The following VDR variants were observed in gnomAD, a reference collection of about 807,000 sequenced individuals.
The protein encoded by VDR is vitamin D3 receptor.
In VDR, 19 loss-of-function variants were observed where a neutral mutation model predicts 39.7. The ratio of observed to expected loss-of-function variants is 0.48; its 90% CI spans 0.33 to 0.70. VDR has a LOEUF of 0.70. Among genes scored for constraint, VDR ranks in the 30% least tolerant of loss-of-function variants. VDR has a pLI of 0.02. For missense variants in VDR, 442 were observed against 570.5 expected (o/e 0.77, Z 2.29); for synonymous variants, 242 against 215.8 (o/e 1.12, Z -1.07).
chr12:47,850,014 C>A (rs1456465591), intron 7 of VDR, among the ~76,000 whole-genome samples: 2 of 152,064 alleles, frequency 1.3e-5, no homozygotes, highest in African/African-American at 4.8e-5. Context: ...CCACACCTGG[C>A]TAATTTTTCT....
chr12:47,872,761 C>G (rs61919100), intron 3 of VDR, among the ~76,000 whole-genome samples: 25,146 of 152,120 alleles, frequency 0.17, 2,660 homozygotes, highest in East Asian at 0.44. Context: ...TTATACTTTC[C>G]AAGTTCCATG....
At chr12:47,880,397 A>G (rs1946121829) in intron 2 of VDR, among the ~76,000 whole-genome samples, 1 of 152,156 alleles carries the variant, frequency 6.6e-6, no homozygotes, top group Admixed American at 6.5e-5. Flanking sequence ...TTTCACCTTC[A>G]TACCACTTCA....
chr12:47,859,933 T>C (rs1945590074), intron 4 of VDR, among the ~76,000 whole-genome samples: 1 of 108,232 alleles, frequency 9.2e-6, no homozygotes, highest in African/African-American at 3.8e-5. Context: ...TTTTCTTTCT[T>C]TCTTTCTTTC....
At chr12:47,882,624 C>CGCCCGGG in intron 2 of VDR, 70 bp downstream of exon 2, 1 of 422,402 alleles carries the variant, frequency 2.4e-6, no homozygotes, top group East Asian at 6.8e-5. Context: ...CCTTCTTATG[C>CGCCCGGG]CCCTCCCCCC....
intron 2 of VDR, among the ~76,000 whole-genome samples, chr12:47,881,392 G>A (rs1199413938): frequency 6.6e-6 from 1 of 152,060 alleles, no homozygotes; most frequent in Non-Finnish European, 1.5e-5. Context: ...TACTATGCTC[G>A]CTACCTGGGA....
chr12:47,885,999 C>A (rs761204741), intron 1 of VDR, among the ~76,000 whole-genome samples: 25 of 152,190 alleles, frequency 1.6e-4, no homozygotes, highest in Non-Finnish European at 3.1e-4. Flanking sequence ...GGCCCCTAAT[C>A]GACCCCAGGA....
At chr12:47,848,206 T>G (rs1458139116) in intron 7 of VDR, among the ~76,000 whole-genome samples, 1 of 152,100 alleles carries the variant, frequency 6.6e-6, no homozygotes, top group African/African-American at 2.4e-5. Flanking sequence ...TTTTTAAATT[T>G]TTTTTGTAGG....
intron 4 of VDR, among the ~76,000 whole-genome samples, chr12:47,863,209 G>A (rs1945660421): frequency 6.6e-6 from 1 of 152,198 alleles, no homozygotes; most frequent in Non-Finnish European, 1.5e-5. Flanking sequence ...GGTAGGAGGG[G>A]ACATGAAGTC....
intron 1 of VDR, among the ~76,000 whole-genome samples, chr12:47,888,440 G>T (rs1191257147): frequency 2.0e-5 from 3 of 152,174 alleles, no homozygotes; most frequent in African/African-American, 7.2e-5. Flanking sequence ...TCAGAGTGGG[G>T]AGCCCATGAG....
At position 47,857,564 on chromosome 12, in the gene VDR, T is replaced by C. The variant is rs1945516326; in HGVS notation, c.402A>G (p.Ile134Met). The stretch of plus-strand genomic sequence containing the variant: ...AGGTCTTATGGTGGGCGTCCAGCAG[T>C]ATGGCAATGATGCGCTGCTGCTCCT... ...LSEEQQRIIAILLDAHHKTYD... is the reference protein window; with the variant it reads ...LSEEQQRIIAMLLDAHHKTYD... The change falls in exon 5 of 10, where the codon ATA (isoleucine) becomes ATG (methionine). Residue 134 changes from isoleucine (I) to methionine (M), a missense_variant. This residue lies in a region of VDR where 46 missense variants were observed against 82.0 expected (regional missense o/e 0.56). Transcript: ENST00000549336. 6.2e-7 allele frequency: 1 copy of C among 1,614,066 alleles called. No homozygotes were observed. The highest frequency in any genetic ancestry group is 1.3e-5 in the African/African-American group (1 of 74,914).
chr12:47,842,930 A>G lies in VDR; in HGVS notation c.*1816T>C, dbSNP rs1288025922. 1 of 152,106 alleles carries G rather than the reference A, an allele frequency of 6.6e-6. No homozygotes were observed. The highest frequency in any genetic ancestry group is 1.5e-5 in the Non-Finnish European group (1 of 68,022). 9.4% of individuals were successfully genotyped at this position (152,106 alleles called of 1,614,324 possible). The stretch of plus-strand genomic sequence containing the variant: ...CAATACGTTCTGCAGCTAAAATCAA[A>G]CAAGGGTCTCTCCCTAGACCCTTGT... On this transcript the variant is annotated 3_prime_UTR_variant, in exon 10 of 10. Transcript: ENST00000549336.
intron 9 of VDR, among the ~76,000 whole-genome samples, chr12:47,845,982 G>A (rs955032499): frequency 3.9e-5 from 6 of 152,206 alleles, no homozygotes; most frequent in Non-Finnish European, 5.9e-5. Flanking sequence ...TACCCTGCCC[G>A]CAAGAAACCT....
chr12:47,899,634 G>A (rs12309705), intron 1 of VDR, among the ~76,000 whole-genome samples: 2 of 152,222 alleles, frequency 1.3e-5, no homozygotes, highest in African/African-American at 4.8e-5. Context: ...AGACCCACAG[G>A]GGGTGGGGCA....
intron 1 of VDR, chr12:47,904,462 T>TAAAAAAAAAAGAAAAA (rs1946629497): frequency 3.1e-6 from 1 of 327,030 alleles, no homozygotes; most frequent in African/African-American, 4.4e-5. Flanking sequence ...CAAAGAAAAG[T>TAAAAAAAAAAGAAAAA]AAAAAAAAAA....
intron 1 of VDR, chr12:47,896,602 T>A (rs1946468982): frequency 6.6e-6 from 1 of 152,154 alleles, no homozygotes; most frequent in African/African-American, 2.4e-5. Flanking sequence ...TCCTTCTCCT[T>A]CTAGGCTCCA....
At chr12:47,848,435 C>T (rs1945321071) in intron 7 of VDR, among the ~76,000 whole-genome samples, 3 of 152,020 alleles carry the variant, frequency 2.0e-5, no homozygotes, top group Admixed American at 1.3e-4. Flanking sequence ...ACTGGAGCCC[C>T]GCACCTTCTG....
rs1945191009 is a variant in VDR at position 47,842,555 on chromosome 12, G to A, written c.*2191C>T. On this transcript the variant is annotated 3_prime_UTR_variant, in exon 10 of 10. Transcript: ENST00000549336. Reference sequence around the variant, plus strand: ...CAGCTCACTGCAACCTCCACCTCCTGGGTTCAATTCTTCTGCCTCAGCCTC... The same window carrying A: ...CAGCTCACTGCAACCTCCACCTCCTAGGTTCAATTCTTCTGCCTCAGCCTC... The A allele has an allele frequency of 6.6e-6, 1 of 151,958 alleles. No homozygotes were observed. The highest frequency in any genetic ancestry group is 2.1e-4 in the South Asian group (1 of 4,806). 9.4% of individuals were successfully genotyped at this position (151,958 alleles called of 1,614,324 possible).
rs1410412556 is a variant in VDR at position 47,879,005 on chromosome 12, T to C, written c.109A>G (p.Asn37Asp). The C allele has an allele frequency of 2.5e-6, 4 of 1,613,984 alleles. No homozygotes were observed. The African/African-American group carries it at 4.0e-5, about 16-fold the overall frequency. ...TTGCAGCCTTCACAGGTCATAGCAT[T>C]GAAGTGAAAGCCAGTGGCTCGGTCT... is the stretch of plus-strand genomic sequence containing the variant. ...CGDRATGFHF[N>D]AMTCEGCKGF... The change falls in exon 3 of 10, where the codon AAT becomes GAT. Residue 37 changes from asparagine to aspartate, a missense_variant. Asn to Asp is a conservative substitution (Grantham distance 23, BLOSUM62 1). Around this residue, in one of 5 missense-constraint regions of VDR, gnomAD observed 141 missense variants for 141.3 expected, o/e 1.00. Transcript: ENST00000549336.
At chr12:47,874,672 A>G (rs1459299619) in intron 3 of VDR, among the ~76,000 whole-genome samples, 1 of 152,200 alleles carries the variant, frequency 6.6e-6, no homozygotes, top group African/African-American at 2.4e-5. Context: ...ATAAGCAGGC[A>G]AACGATGACC....
Sources: gnomAD v4.1 joint callset for allele counts (sites outside exome capture counted in the v4.1 genomes callset) on GRCh38, gnomAD v4.1.1 for gene constraint, gnomAD v4.1.1 regional missense constraint, MANE v1.5 for transcripts, NCBI Gene and HGNC (gene_info 2026-07-23, HGNC 2026-07-21) for gene names.